ASAP1: variants seen among roughly 807,000 people sequenced by gnomAD.
ASAP1 encodes the protein arf-GAP with SH3 domain, ANK repeat and PH domain-containing protein 1.
Under a neutral mutation model 145.2 loss-of-function variants are expected in ASAP1, and 43 were observed. The ratio of observed to expected loss-of-function variants is 0.30; its 90% CI spans 0.23 to 0.38. ASAP1 has a LOEUF of 0.38. Among genes scored for constraint, ASAP1 ranks in the 10% least tolerant of loss-of-function variants. The pLI is 1.00. For synonymous variants in ASAP1, 546 were observed against 515.5 expected, an observed-to-expected ratio of 1.06 and a Z score of -0.80; for missense variants, 1,018 against 1,355.3, an observed-to-expected ratio of 0.75 and a Z score of 3.91.
chr8:130,189,487 T>A (rs1249837638), intron 5 of ASAP1, among the ~76,000 whole-genome samples: 1 of 152,212 alleles, frequency 6.6e-6, no homozygotes, highest in Non-Finnish European at 1.5e-5. Flanking sequence ...GTGGCATGAC[T>A]TTGTTTTTTA....
chr8:130,288,640 T>C (rs559776995), intron 3 of ASAP1, among the ~76,000 whole-genome samples: 1 of 152,334 alleles, frequency 6.6e-6, no homozygotes, highest in Admixed American at 6.5e-5. Flanking sequence ...AAGGAGACTC[T>C]GTCCTCCAAG....
intron 13 of ASAP1, among the ~76,000 whole-genome samples, 165 bp from the exon 14 acceptor site, chr8:130,137,203 C>T (rs1434779491): frequency 6.6e-6 from 1 of 152,212 alleles, no homozygotes; most frequent in Non-Finnish European, 1.5e-5. Context: ...TCCAAGTTTG[C>T]TGCAAGAAGA....
At chr8:130,121,898 G>A (rs916645812) in intron 18 of ASAP1, among the ~76,000 whole-genome samples, 1 of 149,910 alleles carries the variant, frequency 6.7e-6, no homozygotes, top group Non-Finnish European at 1.5e-5. Flanking sequence ...AAATCCCCAG[G>A]CAGTCCATGA....
At chr8:130,354,991 T>C (rs1826220874) in intron 3 of ASAP1, among the ~76,000 whole-genome samples, 1 of 152,202 alleles carries the variant, frequency 6.6e-6, no homozygotes, top group African/African-American at 2.4e-5. Flanking sequence ...GTTCATATGA[T>C]TCTCCTGCCT....
intron 11 of ASAP1, 47 bp from the exon 12 acceptor site, chr8:130,160,011 C>T (rs758862792): frequency 4.6e-6 from 7 of 1,506,912 alleles, no homozygotes; most frequent in Non-Finnish European, 5.5e-6. Flanking sequence ...AGACAATTCT[C>T]CCATCTTTGA....
intron 3 of ASAP1, among the ~76,000 whole-genome samples, chr8:130,262,114 C>A (rs956449699): frequency 6.6e-6 from 1 of 151,594 alleles, no homozygotes; most frequent in South Asian, 2.1e-4. Context: ...AAGGGAGTAC[C>A]GGCTGGGCGC....
chr8:130,142,244 A>C (rs983247113), intron 13 of ASAP1, among the ~76,000 whole-genome samples: 5 of 152,218 alleles, frequency 3.3e-5, no homozygotes, highest in African/African-American at 1.2e-4. Flanking sequence ...TCCAGCCTGG[A>C]AAGAAAGTAA....
chr8:130,376,297 G>A (rs1365229344), intron 2 of ASAP1, among the ~76,000 whole-genome samples: 2 of 152,216 alleles, frequency 1.3e-5, no homozygotes, highest in Non-Finnish European at 2.9e-5. Flanking sequence ...GGTGGAATCC[G>A]CATCCAGGCT....
intron 4 of ASAP1, among the ~76,000 whole-genome samples, chr8:130,215,981 AAAGGAAAGG>A (rs1816888533): frequency 1.2e-4 from 5 of 43,420 alleles, no homozygotes; most frequent in African/African-American, 4.5e-4. Context: ...AAGAAAAAGG[AAAGGAAAGG>A]AAAGGAAAGG....
At chr8:130,234,019 G>A (rs564795384) in intron 4 of ASAP1, among the ~76,000 whole-genome samples, 7 of 152,222 alleles carry the variant, frequency 4.6e-5, no homozygotes, top group Non-Finnish European at 7.4e-5. Flanking sequence ...GGAACAATTC[G>A]AGGGTAAGGG....
Position 130,169,049 on chromosome 8 carries a change from C to G in ASAP1, c.765G>C (p.Leu255Phe), listed in dbSNP as rs1340920748. Residue 255 changes from leucine (L) to phenylalanine (F), a missense_variant, in exon 10 of 30, where the codon TTG becomes TTC. This residue lies in a region of ASAP1 where 62 missense variants were observed against 68.5 expected (regional missense o/e 0.90). Coordinates refer to ENST00000518721, the MANE Select transcript of ASAP1 (RefSeq NM_018482.4). ...HAQCNFFQDG[L>F]KTADKLKQYI... ...ACTGTTTCAACTTATCAGCTGTTTT[C>G]AAGCCATCTTGAAAGAAACTACAAT... 1.3e-6 allele frequency: 2 copies of G among 1,570,316 alleles called. No homozygotes were observed. Among genetic ancestry groups the G allele is most frequent in the Non-Finnish European group, 1.7e-6 (2 of 1,162,206 alleles).
chr8:130,227,105 A>G (rs900262421), intron 4 of ASAP1, among the ~76,000 whole-genome samples: 2 of 152,198 alleles, frequency 1.3e-5, no homozygotes, highest in African/African-American at 4.8e-5. Context: ...CTTGGGTACC[A>G]CCTTTAAGTC....
At chr8:130,123,908 G>C (rs912616711) in intron 18 of ASAP1, 105 bp downstream of exon 18, 2 of 770,944 alleles carry the variant, frequency 2.6e-6, no homozygotes, top group Non-Finnish European at 4.2e-6. Flanking sequence ...GATTACAGGC[G>C]TGAGCCACTG....
intron 12 of ASAP1, among the ~76,000 whole-genome samples, chr8:130,157,688 C>G: frequency 6.6e-6 from 1 of 152,180 alleles, no homozygotes. Flanking sequence ...ACATTGAACT[C>G]TCAAGTATTT....
rs1461050931 is a variant in ASAP1 at position 130,358,684 on chromosome 8, G to A, written c.60-541C>T. ...ACAAGGAAGTGCTCTGCGCACGCGCGCCGCCCCCAGCCCCGCCCCCCCGGT... is the reference window on the plus strand; with the variant it reads ...ACAAGGAAGTGCTCTGCGCACGCGCACCGCCCCCAGCCCCGCCCCCCCGGT... On this transcript the variant is annotated intron_variant, in intron 2 of 29. Transcript: ENST00000518721. This position sits in a 1 kb window ranked among gnomAD's most constrained non-coding sequence, Gnocchi z 4.1. Among the ~76,000 whole-genome samples, 6 of 144,594 alleles carry A rather than the reference G, an allele frequency of 4.1e-5. No homozygotes were observed. The highest frequency in any genetic ancestry group is 9.2e-5 in the Non-Finnish European group (6 of 65,194). The allele number at this position is 144,594 out of a possible 152,430, so 94.9% of individuals were successfully genotyped here.
chr8:130,103,798 G>C (rs2135516758), intron 24 of ASAP1, among the ~76,000 whole-genome samples: 1 of 152,338 alleles, frequency 6.6e-6, no homozygotes, highest in Admixed American at 6.5e-5. Context: ...ACAGGCGTAA[G>C]CCACTGCACC....
chr8:130,187,494 T>C (rs1164683604), intron 6 of ASAP1, among the ~76,000 whole-genome samples: 4 of 151,810 alleles, frequency 2.6e-5, no homozygotes, highest in Admixed American at 6.6e-5. Flanking sequence ...CAGCTCACTG[T>C]AGCCTTGAAC....
chr8:130,417,759 G>GT (rs1375084514), intron 1 of ASAP1, among the ~76,000 whole-genome samples: 1 of 152,190 alleles, frequency 6.6e-6, no homozygotes, highest in Non-Finnish European at 1.5e-5. Flanking sequence ...TGTTGGCTCT[G>GT]TATTTCTGTT....
intron 3 of ASAP1, among the ~76,000 whole-genome samples, chr8:130,279,292 TA>T (rs1195196230): frequency 3.9e-5 from 6 of 152,118 alleles, no homozygotes; most frequent in Non-Finnish European, 1.5e-5. Flanking sequence ...CACCCAGCAC[TA>T]GGGGTTCTGA....
Sources: allele counts gnomAD v4.1 joint callset (sites outside exome capture counted in the v4.1 genomes callset), GRCh38; gene constraint gnomAD v4.1.1; regional missense constraint gnomAD v4.1.1; non-coding constraint Gnocchi (gnomAD v3.1); transcripts MANE v1.5; gene names NCBI Gene and HGNC (gene_info 2026-07-23, HGNC 2026-07-21).